SGTB: variants seen among roughly 807,000 people sequenced by gnomAD.
SGTB encodes the protein small glutamine rich tetratricopeptide repeat co-chaperone beta.
Under a neutral mutation model 43.9 loss-of-function variants are expected in SGTB, and 19 were observed. The observed-to-expected ratio is 0.43, with a 90% CI of 0.30 to 0.63. SGTB has a LOEUF of 0.63. SGTB is among the 30% of genes least tolerant of loss of function. The pLI is 0.12. For synonymous variants in SGTB, 116 were observed against 117.3 expected (o/e 0.99, Z 0.07); for missense variants, 304 against 358.9 (o/e 0.85, Z 1.24).
chr5:65,683,863 G>A (rs1459371796), intron 6 of SGTB, among the ~76,000 whole-genome samples: 1 of 151,592 alleles, frequency 6.6e-6, no homozygotes, highest in Non-Finnish European at 1.5e-5. Flanking sequence ...GGAGAATGGC[G>A]TGAACCCAGG....
At chr5:65,707,431 C>CACACACACACACACAT (rs1561164823) in intron 4 of SGTB, among the ~76,000 whole-genome samples, 5 of 147,436 alleles carry the variant, frequency 3.4e-5, no homozygotes, top group African/African-American at 1.3e-4. Context: ...CACACACACA[C>CACACACACACACACAT]ACACATATAT....
At chr5:65,689,039 T>C (rs765518073) in intron 5 of SGTB, among the ~76,000 whole-genome samples, 2 of 152,066 alleles carry the variant, frequency 1.3e-5, no homozygotes, top group Non-Finnish European at 2.9e-5. Context: ...CTCGATCTCC[T>C]GACCTCGTGA....
At chr5:65,694,079 C>G (rs532163588) in intron 5 of SGTB, among the ~76,000 whole-genome samples, 48 of 152,248 alleles carry the variant, frequency 3.2e-4, no homozygotes, top group African/African-American at 1.1e-3. Flanking sequence ...GACAGCACCA[C>G]TCCACAGGAC....
intron 8 of SGTB, 133 bp downstream of exon 8, chr5:65,680,361 C>G (rs1757370991): frequency 1.2e-6 from 1 of 831,014 alleles, no homozygotes; most frequent in Non-Finnish European, 1.9e-6. Flanking sequence ...AAAACAGAAC[C>G]CTGCTATAGC....
At chr5:65,676,119 G>A (rs1300538004) in intron 8 of SGTB, among the ~76,000 whole-genome samples, 2 of 152,048 alleles carry the variant, frequency 1.3e-5, no homozygotes, top group African/African-American at 4.8e-5. Flanking sequence ...ACACACATAG[G>A]CTCAAAATAC....
intron 3 of SGTB, among the ~76,000 whole-genome samples, chr5:65,709,382 G>GTTT (rs547273264): frequency 2.1e-5 from 3 of 141,580 alleles, no homozygotes; most frequent in Non-Finnish European, 3.1e-5. Flanking sequence ...ATATTGTCCA[G>GTTT]TTTTTTTTTT....
At position 65,682,206 on chromosome 5, in the gene SGTB, T is replaced by C. The variant is rs1273923000; in HGVS notation, c.480-1412A>G. On this transcript the variant is annotated intron_variant, in intron 6 of 10. Transcript: ENST00000381007. The stretch of plus-strand genomic sequence containing the variant: ...GTAAACAGAAAGGTCCCAAGAAAGA[T>C]GCAAGCTTGGTATTCTTAAGGAACA... Among the ~76,000 whole-genome samples, 5 of 152,194 alleles carry C rather than the reference T, an allele frequency of 3.3e-5. No individual in the cohort carries two copies. The South Asian group carries it at 6.2e-4, about 19-fold the overall frequency.
intron 3 of SGTB, among the ~76,000 whole-genome samples, chr5:65,709,590 A>G (rs574361601): frequency 1.7e-4 from 26 of 152,142 alleles, no homozygotes; most frequent in African/African-American, 6.3e-4. Flanking sequence ...TGTTGGCCAC[A>G]ATGGTCTAGA....
At chr5:65,716,544 T>A (rs779650590) in intron 2 of SGTB, among the ~76,000 whole-genome samples, 15 of 152,168 alleles carry the variant, frequency 9.9e-5, no homozygotes, top group Non-Finnish European at 1.9e-4. Flanking sequence ...CCAACAGGAT[T>A]TATTGAATGA....
intron 8 of SGTB, among the ~76,000 whole-genome samples, chr5:65,679,582 A>T (rs60909813): frequency 0.026 from 3,974 of 152,224 alleles, 163 homozygotes; most frequent in African/African-American, 0.089. Context: ...ACACCATTGC[A>T]CTCCAGACTG....
rs1210385755 is a variant in SGTB at position 65,667,693 on chromosome 5, T to C, written c.*2553A>G. 6.6e-6 allele frequency: 1 copy of C among 152,206 alleles called. No homozygotes were observed. Among genetic ancestry groups the C allele is most frequent in the African/African-American group, 2.4e-5 (1 of 41,436 alleles). The allele number at this position is 152,206 out of a possible 1,614,324, so 9.4% of individuals were successfully genotyped here. A position where few individuals can be genotyped will look rare whatever the true frequency, so the allele number is the denominator to read the frequency against. On this transcript the variant is annotated 3_prime_UTR_variant, in exon 11 of 11. Transcript: ENST00000381007. ...CAGGTCTGAGAAACCTCTAACCTAG[T>C]GTTCCTCTAAATTAGAGTCCTTGGA...
At chr5:65,719,686 G>T (rs561738107) in intron 2 of SGTB, among the ~76,000 whole-genome samples, 18 of 152,300 alleles carry the variant, frequency 1.2e-4, no homozygotes, top group African/African-American at 3.6e-4. Flanking sequence ...ATTCTACCTT[G>T]TTATGGTTGT....
At chr5:65,713,504 G>C (rs1758088443) in intron 2 of SGTB, among the ~76,000 whole-genome samples, 1 of 152,008 alleles carries the variant, frequency 6.6e-6, no homozygotes, top group African/African-American at 2.4e-5. Context: ...TTTTTGCAGA[G>C]ACAGGGTCTT....
chr5:65,693,175 T>TGA (rs545512257), intron 5 of SGTB, among the ~76,000 whole-genome samples: 16 of 144,156 alleles, frequency 1.1e-4, no homozygotes, highest in Non-Finnish European at 2.3e-4. Context: ...GGTGACAGAG[T>TGA]GAGAGAAGGA....
At chr5:65,671,638 CGGGGGCGGGGGT>C (rs899820453) in intron 10 of SGTB, among the ~76,000 whole-genome samples, 56 of 24,020 alleles carry the variant, frequency 2.3e-3, no homozygotes, top group East Asian at 5.1e-3. Context: ...CATAATGAAC[CGGGGGCGGGGGT>C]GGGGGTGGGG....
chr5:65,700,567 G>A (rs12109028), intron 5 of SGTB, among the ~76,000 whole-genome samples: 1 of 151,370 alleles, frequency 6.6e-6, no homozygotes, highest in Admixed American at 6.6e-5. Flanking sequence ...TGTAGTCCCA[G>A]CCACTTGGGA....
intron 6 of SGTB, among the ~76,000 whole-genome samples, chr5:65,684,290 C>T (rs1381452573): frequency 6.6e-6 from 1 of 151,936 alleles, no homozygotes; most frequent in Non-Finnish European, 1.5e-5. Flanking sequence ...TGCTATGTTG[C>T]CCAGGCTGGT....
chr5:65,722,368 G>T (rs1219893600), upstream of SGTB: 9 of 1,576,630 alleles, frequency 5.7e-6, no homozygotes, highest in Non-Finnish European at 6.9e-6. Flanking sequence ...GCCTCTCAGC[G>T]CTCCCATGAT....
chr5:65,719,389 A>T (rs1758210374), intron 2 of SGTB, among the ~76,000 whole-genome samples: 1 of 152,130 alleles, frequency 6.6e-6, no homozygotes. Context: ...CAGGAGTTTG[A>T]GAACAGCCTG....
Sources: gnomAD v4.1 joint callset for allele counts (sites outside exome capture counted in the v4.1 genomes callset) on GRCh38, gnomAD v4.1.1 for gene constraint, MANE v1.5 for transcripts, NCBI Gene and HGNC (gene_info 2026-07-23, HGNC 2026-07-21) for gene names.